Variants in FRMD3 observed in about 807,000 individuals in gnomAD.
FRMD3 encodes the protein FERM domain-containing protein 3.
FRMD3 carries 33 observed loss-of-function variants against 70.2 expected under a neutral mutation model. The ratio of observed to expected loss-of-function variants is 0.47; its 90% CI spans 0.36 to 0.63. The LOEUF (loss-of-function observed/expected upper bound fraction) is 0.63. FRMD3 is among the 20% of genes least tolerant of loss of function. FRMD3 has a pLI of 0.00. For synonymous variants in FRMD3, 279 were observed against 255.9 expected (o/e 1.09, Z -0.86); for missense variants, 632 against 711.4 (o/e 0.89, Z 1.27).
the FRMD3 span, among the ~76,000 whole-genome samples, chr9:83,546,044 T>C: frequency 1.3e-5 from 2 of 149,320 alleles, no homozygotes. Context: ...GAGATAAGGG[T>C]CCTATTTTCA....
At chr9:83,571,376 T>C in the FRMD3 span, among the ~76,000 whole-genome samples, 1 of 151,986 alleles carries the variant, frequency 6.6e-6, no homozygotes, top group Non-Finnish European at 1.5e-5. Flanking sequence ...AATTACGGAG[T>C]CTCTGGTATT....
At chr9:83,299,810 C>T (rs540822943) in intron 10 of FRMD3, among the ~76,000 whole-genome samples, 2 of 152,252 alleles carry the variant, frequency 1.3e-5, no homozygotes, top group Admixed American at 6.5e-5. Context: ...CAGAAGCTGC[C>T]CAGACAAGAA....
intron 13 of FRMD3, among the ~76,000 whole-genome samples, chr9:83,254,873 G>C (rs978210501): frequency 5.9e-5 from 9 of 152,080 alleles, no homozygotes; most frequent in Non-Finnish European, 1.3e-4. Context: ...TGAAATTGAG[G>C]CTGTAATAAA....
intron 13 of FRMD3, among the ~76,000 whole-genome samples, chr9:83,278,787 G>T (rs1231935030): frequency 2.0e-5 from 3 of 152,134 alleles, no homozygotes; most frequent in African/African-American, 7.2e-5. Context: ...GAGTGCTGGG[G>T]GTCAGGGCGG....
At chr9:83,581,221 A>T in the FRMD3 span, among the ~76,000 whole-genome samples, 1 of 152,178 alleles carries the variant, frequency 6.6e-6, no homozygotes, top group African/African-American at 2.4e-5. Flanking sequence ...TGCAAATTAC[A>T]CCCCGTTAAG....
At position 83,260,397 on chromosome 9, in the gene FRMD3, CAGAGAGACTCTCACTTCTTAACTAAG is replaced by C. The variant is rs1193569948; in HGVS notation, c.1196-11907_1196-11882del. 3.9e-5 allele frequency among the ~76,000 whole-genome samples: 6 copies of C among 152,058 alleles called. No individual in the cohort carries two copies. The East Asian group carries it at 9.7e-4, about 24-fold the overall frequency. The stretch of plus-strand genomic sequence containing the variant: ...TGAAGAGAAGGAGATCTGAGAAGCC[CAGAGAGACTCTCACTTCTTAACTAAG>C]GGGGAAGAAGCTTCTCTGTTACTGG... On this transcript the variant is annotated intron_variant, in intron 13 of 13. Coordinates refer to ENST00000304195, the MANE Select transcript of FRMD3 (RefSeq NM_174938.6).
chr9:83,461,665 CTTTTTTTTTTTTTTTTTTTTTTT>C (rs200147815), intron 1 of FRMD3, among the ~76,000 whole-genome samples: 20 of 70,698 alleles, frequency 2.8e-4, no homozygotes, highest in Admixed American at 4.5e-4. Flanking sequence ...AGGAATTTCC[CTTTTTTTTTTTTTTTTTTTTTTT>C]TTTTTTTTTT....
At chr9:83,502,869 G>C (rs1451307529) in intron 1 of FRMD3, among the ~76,000 whole-genome samples, 1 of 152,154 alleles carries the variant, frequency 6.6e-6, no homozygotes, top group African/African-American at 2.4e-5. Context: ...GGTTATGCTG[G>C]GTTCCAGTGC....
At chr9:83,569,510 A>G in the FRMD3 span, among the ~76,000 whole-genome samples, 2 of 152,338 alleles carry the variant, frequency 1.3e-5, no homozygotes, top group Admixed American at 1.3e-4. Context: ...TGTTCTCAGA[A>G]GCTGCAGTTT....
At position 83,388,550 on chromosome 9, in the gene FRMD3, G is replaced by A. The variant is rs375026438; in HGVS notation, c.252+1054C>T. 2.7e-3 allele frequency among the ~76,000 whole-genome samples: 404 copies of A among 152,228 alleles called. 3 individuals are homozygous for A. The highest frequency in any genetic ancestry group is 9.0e-3 in the African/African-American group (375 of 41,524). On this transcript the variant is annotated intron_variant, in intron 2 of 13. Coordinates refer to ENST00000304195, the MANE Select transcript of FRMD3 (RefSeq NM_174938.6). ...GGGTGGAGATCCCCAGGGGTCATTT[G>A]GATGTGAAGGGCACACATCACGTGG...
At position 83,247,373 on chromosome 9, in the gene FRMD3, C is replaced by A; in HGVS notation, c.*545G>T. On this transcript the variant is annotated 3_prime_UTR_variant, in exon 14 of 14. Transcript: ENST00000304195. ...TTACAATCTGTACATGTAAATAACT[C>A]CAGGAGGCTTCTTTTTTTTTTTTGC... 1.1e-6 allele frequency: 1 copy of A among 951,174 alleles called. No homozygotes were observed. Among genetic ancestry groups the A allele is most frequent in the Non-Finnish European group, 1.2e-6 (1 of 818,466 alleles). The allele number at this position is 951,174 out of a possible 1,614,324, so 58.9% of individuals were successfully genotyped here. A position where few individuals can be genotyped will look rare whatever the true frequency, so the allele number is the denominator to read the frequency against.
At chr9:83,437,740 T>C (rs10217435) in intron 1 of FRMD3, among the ~76,000 whole-genome samples, 17,958 of 152,054 alleles carry the variant, frequency 0.12, 1,269 homozygotes, top group African/African-American at 0.18. Context: ...TCCATGGAAG[T>C]AGAACAAAAT....
intron 1 of FRMD3, among the ~76,000 whole-genome samples, chr9:83,411,199 A>G (rs1228306429): frequency 6.6e-6 from 1 of 152,182 alleles, no homozygotes. Flanking sequence ...TCATAAAGTC[A>G]TTTGGGAGTA....
intron 1 of FRMD3, among the ~76,000 whole-genome samples, chr9:83,431,575 G>GT (rs907232519): frequency 2.1e-4 from 31 of 150,008 alleles, no homozygotes; most frequent in South Asian, 8.5e-4. Context: ...TAAGTTTAGC[G>GT]TTTTTTTTTA....
chr9:83,405,255 G>T (rs974836920), intron 1 of FRMD3, among the ~76,000 whole-genome samples: 3 of 152,180 alleles, frequency 2.0e-5, no homozygotes, highest in Non-Finnish European at 4.4e-5. Context: ...GTGTGCAACA[G>T]TGGGCTGCAC....
intron 1 of FRMD3, among the ~76,000 whole-genome samples, chr9:83,458,783 T>C (rs1467628903): frequency 2.0e-5 from 3 of 152,078 alleles, no homozygotes; most frequent in African/African-American, 7.2e-5. Flanking sequence ...GTCATTTTTA[T>C]CAAATACAGA....
At position 83,527,279 on chromosome 9, in the gene FRMD3, C is replaced by T. The variant is rs187866490; in HGVS notation, c.147+10806G>A. On this transcript the variant is annotated intron_variant, in intron 1 of 13. Coordinates refer to ENST00000304195, the MANE Select transcript of FRMD3 (RefSeq NM_174938.6). ...CTTCATCAGATTTGCCATGGGAAAT[C>T]CTGTTTGAAAAAACAATCTCTCGAT... is the stretch of plus-strand genomic sequence containing the variant. 1.2e-3 allele frequency among the ~76,000 whole-genome samples: 188 copies of T among 152,230 alleles called. 1 individual carries two copies. The highest frequency in any genetic ancestry group is 4.3e-3 in the African/African-American group (179 of 41,552).
chr9:83,435,467 A>C (rs1827106152), intron 1 of FRMD3, among the ~76,000 whole-genome samples: 1 of 152,124 alleles, frequency 6.6e-6, no homozygotes, highest in Non-Finnish European at 1.5e-5. Context: ...CACTGGCCTC[A>C]CTAGGGCATC....
chr9:83,308,675 C>T (rs1182989105), intron 10 of FRMD3, among the ~76,000 whole-genome samples: 1 of 152,228 alleles, frequency 6.6e-6, no homozygotes, highest in Non-Finnish European at 1.5e-5. Context: ...GTTTGAACTT[C>T]TTTTGAAACC....
Sources: allele counts gnomAD v4.1 joint callset (sites outside exome capture counted in the v4.1 genomes callset), GRCh38; gene constraint gnomAD v4.1.1; transcripts MANE v1.5; gene names NCBI Gene and HGNC (gene_info 2026-07-23, HGNC 2026-07-21).